Variants in SRGAP2C observed in about 807,000 individuals in gnomAD.
SRGAP2C encodes the protein SLIT-ROBO Rho GTPase-activating protein 2C.
Under a neutral mutation model 25.1 loss-of-function variants are expected in SRGAP2C, and 15 were observed. The ratio of observed to expected loss-of-function variants is 0.60; its 90% CI spans 0.40 to 0.92. The LOEUF (loss-of-function observed/expected upper bound fraction) is 0.92. SRGAP2C is among the 40% of genes least tolerant of loss of function. The probability of loss-of-function intolerance (pLI) is 0.00; values close to 1 mark genes in which losing one functional copy is unlikely to be tolerated. For synonymous variants in SRGAP2C, 44 were observed against 96.6 expected (o/e 0.46, Z 3.19); for missense variants, 144 against 264.4 (o/e 0.54, Z 3.16).
chr1:121,261,042 C>T (rs1656620284), intron 2 of SRGAP2C, among the ~76,000 whole-genome samples: 3 of 116,680 alleles, frequency 2.6e-5, no homozygotes, highest in South Asian at 2.7e-4. Context: ...AATCCTCCCA[C>T]CTCAGCCTCC....
At chr1:121,374,996 G>T (rs782350136) in intron 7 of SRGAP2C, 42 bp downstream of exon 7, 1 of 763,034 alleles carries the variant, frequency 1.3e-6, no homozygotes, top group Non-Finnish European at 2.5e-6. Context: ...CCTCTTTTCT[G>T]GTTTCAGAAT....
At chr1:121,304,102 T>G (rs1296881825) in intron 3 of SRGAP2C, among the ~76,000 whole-genome samples, 1 of 148,614 alleles carries the variant, frequency 6.7e-6, no homozygotes, top group Non-Finnish European at 1.5e-5. Context: ...TCCCAGCTAC[T>G]GGGGAGGCTG....
rs781836366 is a variant in SRGAP2C at position 121,374,837 on chromosome 1, G to A, written c.714G>A (p.Lys238=). 1.3e-3 allele frequency: 1,007 copies of A among 772,546 alleles called. 1 individual carries two copies. Among genetic ancestry groups the A allele is most frequent in the Non-Finnish European group, 1.6e-3 (650 of 414,018 alleles). The allele number at this position is 772,546 out of a possible 1,614,324, so 47.9% of individuals were successfully genotyped here. The change falls in exon 7 of 10, where the codon AAG becomes AAA. Residue 238 remains lysine, a synonymous_variant. Coordinates refer to ENST00000367123, the MANE Select transcript of SRGAP2C (RefSeq NM_001329984.2). ...IEKMKEKHQA[K]YTENKLKAIK... Reference sequence around the variant, plus strand: ...TGTTTCCTTTTCAGCACCAAGCCAAGTACACGGAGAATAAGCTGAAGGCCA... The same window carrying A: ...TGTTTCCTTTTCAGCACCAAGCCAAATACACGGAGAATAAGCTGAAGGCCA...
chr1:121,213,320 A>G (rs368724366), intron 2 of SRGAP2C, among the ~76,000 whole-genome samples: 9,284 of 150,212 alleles, frequency 0.062, 377 homozygotes, highest in Non-Finnish European at 0.094. Context: ...TGTTGGGAGT[A>G]CAGATGTAAG....
At chr1:121,337,741 C>T (rs1378292497) in intron 4 of SRGAP2C, among the ~76,000 whole-genome samples, 14 of 139,218 alleles carry the variant, frequency 1.0e-4, no homozygotes, top group Admixed American at 8.8e-4. Context: ...TTTGTAAAAA[C>T]GTATTAGTCT....
intron 2 of SRGAP2C, among the ~76,000 whole-genome samples, chr1:121,267,582 G>A (rs1355381715): frequency 1.5e-5 from 2 of 131,554 alleles, no homozygotes; most frequent in Non-Finnish European, 3.2e-5. Flanking sequence ...ATTATAGTGG[G>A]GAGTAAAATT....
At chr1:121,228,770 G>T (rs1655745235) in intron 2 of SRGAP2C, among the ~76,000 whole-genome samples, 1 of 150,866 alleles carries the variant, frequency 6.6e-6, no homozygotes, top group South Asian at 2.1e-4. Flanking sequence ...AATTATGTAT[G>T]TGAGAATGGA....
intron 2 of SRGAP2C, among the ~76,000 whole-genome samples, chr1:121,204,523 G>T (rs1302293937): frequency 1.3e-5 from 2 of 151,608 alleles, no homozygotes; most frequent in East Asian, 2.0e-4. Flanking sequence ...GCCTCCCAAA[G>T]TGCTGGGATT....
intron 2 of SRGAP2C, among the ~76,000 whole-genome samples, chr1:121,238,778 T>C (rs1223481380): frequency 7.0e-6 from 1 of 142,332 alleles, no homozygotes; most frequent in Non-Finnish European, 1.5e-5. Flanking sequence ...TACACACTGC[T>C]ATTTTTTTTT....
At chr1:121,233,082 A>G (rs1429368098) in intron 2 of SRGAP2C, among the ~76,000 whole-genome samples, 8 of 124,356 alleles carry the variant, frequency 6.4e-5, no homozygotes. Context: ...GATCTGGACA[A>G]CGTGGACCTT....
At chr1:121,260,211 G>A (rs1553333282) in intron 2 of SRGAP2C, among the ~76,000 whole-genome samples, 5 of 149,742 alleles carry the variant, frequency 3.3e-5, no homozygotes, top group East Asian at 2.0e-4. Flanking sequence ...TTTAGATGAG[G>A]CCTCATGGAA....
chr1:121,375,132 C>T lies in SRGAP2C; in HGVS notation c.831+178C>T, dbSNP rs1659608132. On this transcript the variant is annotated intron_variant, in intron 7 of 9. Transcript: ENST00000367123. ...CCATGTGAAACACTTCACACTTATTCAATCCTAACTGGAATTCTGGGAGGA... is the reference window on the plus strand; with the variant it reads ...CCATGTGAAACACTTCACACTTATTTAATCCTAACTGGAATTCTGGGAGGA... Among the ~76,000 whole-genome samples, 4 of 151,264 alleles carry T rather than the reference C, an allele frequency of 2.6e-5. No individual in the cohort carries two copies. The South Asian group carries it at 8.4e-4, about 32-fold the overall frequency.
At chr1:121,292,234 C>A (rs1553337761) in intron 3 of SRGAP2C, among the ~76,000 whole-genome samples, 2 of 150,710 alleles carry the variant, frequency 1.3e-5, no homozygotes, top group African/African-American at 2.4e-5. Flanking sequence ...AGTGATGAGA[C>A]CTCTACTTCT....
At position 121,390,862 on chromosome 1, in the gene SRGAP2C, G is replaced by A. The variant is rs1484276924; in HGVS notation, c.*3007G>A. The A allele has an allele frequency of 2.6e-5, 4 of 151,696 alleles. No homozygotes were observed. The highest frequency in any genetic ancestry group is 7.3e-5 in the African/African-American group (3 of 41,220). The allele number at this position is 151,696 out of a possible 1,614,324, so 9.4% of individuals were successfully genotyped here. A position where few individuals can be genotyped will look rare whatever the true frequency, so the allele number is the denominator to read the frequency against. On this transcript the variant is annotated 3_prime_UTR_variant, in exon 10 of 10. Coordinates refer to ENST00000367123, the MANE Select transcript of SRGAP2C (RefSeq NM_001329984.2). Reference sequence around the variant, plus strand: ...TCAAGACCAGCCTGGACAATGTGGTGAAACCCTGTCTCTACTAAAAACACA... The same window carrying A: ...TCAAGACCAGCCTGGACAATGTGGTAAAACCCTGTCTCTACTAAAAACACA...
chr1:121,295,252 C>T (rs1657570955), intron 3 of SRGAP2C, among the ~76,000 whole-genome samples: 1 of 146,338 alleles, frequency 6.8e-6, no homozygotes, highest in South Asian at 2.2e-4. Context: ...TTGTGGAGGG[C>T]CTTGACTCTT....
At chr1:121,314,966 C>G in intron 3 of SRGAP2C, 2 of 1,003,272 alleles carry the variant, frequency 2.0e-6, no homozygotes, top group Middle Eastern at 3.0e-4. Context: ...GGGCTTGAAG[C>G]AGACAATCCA....
chr1:121,366,893 T>C (rs1405666430), intron 5 of SRGAP2C, among the ~76,000 whole-genome samples: 14 of 140,856 alleles, frequency 9.9e-5, no homozygotes, highest in African/African-American at 3.4e-4. Flanking sequence ...TCTAAGGATC[T>C]GTTAGCTTTT....
chr1:121,222,343 G>A (rs1286769867), intron 2 of SRGAP2C, among the ~76,000 whole-genome samples: 1 of 152,048 alleles, frequency 6.6e-6, no homozygotes, highest in Non-Finnish European at 1.5e-5. Context: ...ATTGAAATGG[G>A]TTTGGGTTGG....
At chr1:121,230,715 A>G (rs1286333755) in intron 2 of SRGAP2C, among the ~76,000 whole-genome samples, 1 of 149,836 alleles carries the variant, frequency 6.7e-6, no homozygotes, top group Non-Finnish European at 1.5e-5. Context: ...AAATCATTCT[A>G]CTATAAAGAC....
Sources: gnomAD v4.1 joint callset for allele counts (sites outside exome capture counted in the v4.1 genomes callset) on GRCh38, gnomAD v4.1.1 for gene constraint, MANE v1.5 for transcripts, NCBI Gene and HGNC (gene_info 2026-07-23, HGNC 2026-07-21) for gene names.